The following PDZRN3 variants were observed in gnomAD, a reference collection of about 807,000 sequenced individuals.
The protein encoded by PDZRN3 is PDZ domain containing ring finger 3.
Under a neutral mutation model 85.7 loss-of-function variants are expected in PDZRN3, and 38 were observed. That is an observed-to-expected ratio of 0.44 (90% confidence interval 0.34 to 0.58). The LOEUF (loss-of-function observed/expected upper bound fraction) is 0.58, where lower values mean the gene tolerates loss of function less well. PDZRN3 is among the 20% of genes least tolerant of loss of function. The probability of loss-of-function intolerance (pLI) is 0.01; values close to 1 mark genes in which losing one functional copy is unlikely to be tolerated. For synonymous variants in PDZRN3, 759 were observed against 638.0 expected (o/e 1.19, Z -2.86); for missense variants, 1,629 against 1,506.4 (o/e 1.08, Z -1.35).
chr3:73,603,678 C>A (rs1487086443), intron 2 of PDZRN3, among the ~76,000 whole-genome samples: 7 of 152,028 alleles, frequency 4.6e-5, no homozygotes, highest in Non-Finnish European at 8.8e-5. Context: ...TTAAAAATAA[C>A]TCTTCAAATA....
chr3:73,428,843 C>T (rs531897835), intron 3 of PDZRN3, among the ~76,000 whole-genome samples: 1 of 151,770 alleles, frequency 6.6e-6, no homozygotes, highest in African/African-American at 2.4e-5. Flanking sequence ...ATGCTGGCTC[C>T]ATATTCAATA....
At chr3:73,506,532 T>A (rs1462181155) in intron 3 of PDZRN3, among the ~76,000 whole-genome samples, 1 of 152,128 alleles carries the variant, frequency 6.6e-6, no homozygotes, top group Non-Finnish European at 1.5e-5. Flanking sequence ...AACAATCAGC[T>A]ACTCAAATAA....
At chr3:73,539,013 T>C (rs756375898) in intron 3 of PDZRN3, among the ~76,000 whole-genome samples, 1 of 152,206 alleles carries the variant, frequency 6.6e-6, no homozygotes, top group African/African-American at 2.4e-5. Context: ...ATTAGTCTCC[T>C]AGGCTTTGCC....
At chr3:73,461,845 C>A (rs558071001) in intron 3 of PDZRN3, among the ~76,000 whole-genome samples, 1 of 152,184 alleles carries the variant, frequency 6.6e-6, no homozygotes, top group Non-Finnish European at 1.5e-5. Flanking sequence ...TGATTCACTA[C>A]GGCAGGGCCA....
At chr3:73,494,832 T>C (rs1703836887) in intron 3 of PDZRN3, among the ~76,000 whole-genome samples, 1 of 152,238 alleles carries the variant, frequency 6.6e-6, no homozygotes, top group South Asian at 2.1e-4. Flanking sequence ...TTCTGGTTCC[T>C]TAACTTTCCA....
chr3:73,403,648 C>T (rs1204110406), intron 4 of PDZRN3, among the ~76,000 whole-genome samples: 1 of 152,040 alleles, frequency 6.6e-6, no homozygotes, highest in African/African-American at 2.4e-5. Context: ...ATGTGGCGTG[C>T]TGAGTTGCAG....
At position 73,624,524 on chromosome 3, in the gene PDZRN3, T is replaced by C; in HGVS notation, c.302A>G (p.His101Arg). Residue 101 changes from histidine (H) to arginine (R), a missense_variant, in exon 1 of 10, where the codon CAC (histidine) becomes CGC (arginine). Transcript: ENST00000263666. The part of the protein sequence containing the change: ...RVVKLQQLPE[H>R]LERCDFAPAR... ...GGGCGCGAAGTCGCAGCGCTCGAGG[T>C]GCTCCGGCAGCTGCTGCAGCTTGAC... 1 of 1,470,182 alleles carries C rather than the reference T, an allele frequency of 6.8e-7. No homozygotes were observed. Among genetic ancestry groups the C allele is most frequent in the South Asian group, 1.3e-5 (1 of 74,670 alleles). 91.1% of individuals were successfully genotyped at this position (1,470,182 alleles called of 1,614,324 possible).
At chr3:73,491,791 G>A (rs1333529867) in intron 3 of PDZRN3, among the ~76,000 whole-genome samples, 2 of 151,604 alleles carry the variant, frequency 1.3e-5, no homozygotes, top group African/African-American at 2.4e-5. Flanking sequence ...TAGAGTTGGG[G>A]GGTCCCTTTT....
At chr3:73,535,457 A>C (rs1205817750) in intron 3 of PDZRN3, among the ~76,000 whole-genome samples, 1 of 152,214 alleles carries the variant, frequency 6.6e-6, no homozygotes, top group Non-Finnish European at 1.5e-5. Context: ...AGTGATACAA[A>C]TGCCCAGTAA....
chr3:73,388,895 C>A (rs1295098765), intron 7 of PDZRN3, among the ~76,000 whole-genome samples: 6 of 122,408 alleles, frequency 4.9e-5, no homozygotes, highest in African/African-American at 1.9e-4. Context: ...TGCTTCCATT[C>A]TCAGTAGTAA....
chr3:73,624,520 G>C lies in PDZRN3; in HGVS notation c.306C>G (p.Leu102=), dbSNP rs925933665. The C allele has an allele frequency of 6.1e-6, 9 of 1,465,580 alleles. No homozygotes were observed. In the African/African-American group the frequency reaches 7.4e-5, roughly 12 times the overall value. 90.8% of individuals were successfully genotyped at this position (1,465,580 alleles called of 1,614,324 possible). A position where few individuals can be genotyped will look rare whatever the true frequency, so the allele number is the denominator to read the frequency against. Residue 102 remains leucine, a synonymous_variant, in exon 1 of 10, where the codon CTC becomes CTG. Transcript: ENST00000263666. ...GCGCGGGCGCGAAGTCGCAGCGCTC[G>C]AGGTGCTCCGGCAGCTGCTGCAGCT... The part of the protein sequence containing the change: ...VVKLQQLPEH[L]ERCDFAPARC...
intron 3 of PDZRN3, among the ~76,000 whole-genome samples, chr3:73,554,345 TGAGAG>T (rs571629136): frequency 1.7e-5 from 2 of 115,494 alleles, no homozygotes; most frequent in South Asian, 3.2e-4. Flanking sequence ...ACAGGATTGT[TGAGAG>T]AAGACACACA....
chr3:73,474,930 G>A (rs1269981287), intron 3 of PDZRN3, among the ~76,000 whole-genome samples: 1 of 152,174 alleles, frequency 6.6e-6, no homozygotes, highest in Non-Finnish European at 1.5e-5. Context: ...GGGTGAAAAT[G>A]AGAGCACAGT....
chr3:73,592,949 C>T (rs1004835172), intron 3 of PDZRN3, among the ~76,000 whole-genome samples: 2 of 152,142 alleles, frequency 1.3e-5, no homozygotes, highest in African/African-American at 2.4e-5. Flanking sequence ...TGCTTTGAAG[C>T]GTTCCCCTAG....
chr3:73,403,825 C>G (rs1475557243), intron 4 of PDZRN3, among the ~76,000 whole-genome samples: 1 of 152,124 alleles, frequency 6.6e-6, no homozygotes, highest in Non-Finnish European at 1.5e-5. Context: ...TCAACATTCC[C>G]TAGTAATAAC....
intron 3 of PDZRN3, chr3:73,593,807 T>A (rs555314848): frequency 2.0e-5 from 3 of 151,130 alleles, no homozygotes; most frequent in Admixed American, 2.0e-4. Context: ...TTCCCCATAA[T>A]CCCATCAAAC....
chr3:73,599,957 T>C (rs940298445), intron 3 of PDZRN3, among the ~76,000 whole-genome samples: 1 of 152,266 alleles, frequency 6.6e-6, no homozygotes, highest in Non-Finnish European at 1.5e-5. Flanking sequence ...ACAGCCTATA[T>C]ATTTTTACAA....
intron 3 of PDZRN3, among the ~76,000 whole-genome samples, chr3:73,523,674 A>G (rs1466830471): frequency 1.3e-5 from 2 of 152,168 alleles, no homozygotes; most frequent in Admixed American, 1.3e-4. Context: ...CAGTTGGTTA[A>G]AGGTCCGAAG....
At chr3:73,536,336 T>C (rs189026550) in intron 3 of PDZRN3, among the ~76,000 whole-genome samples, 1 of 152,336 alleles carries the variant, frequency 6.6e-6, no homozygotes, top group Non-Finnish European at 1.5e-5. Flanking sequence ...CAAGAGGAGT[T>C]GACAGGATGG....
Sources: gnomAD v4.1 joint callset for allele counts (sites outside exome capture counted in the v4.1 genomes callset) on GRCh38, gnomAD v4.1.1 for gene constraint, MANE v1.5 for transcripts, NCBI Gene and HGNC (gene_info 2026-07-23, HGNC 2026-07-21) for gene names.